Variants in INPP4B observed in about 807,000 individuals in gnomAD.
INPP4B encodes inositol polyphosphate 4-phosphatase type II.
Under a neutral mutation model 122.5 loss-of-function variants are expected in INPP4B, and 55 were observed. The ratio of observed to expected loss-of-function variants is 0.45; its 90% confidence interval spans 0.36 to 0.56. The LOEUF is 0.56. Among genes scored for constraint, INPP4B ranks in the 20% least tolerant of loss-of-function variants. The pLI, the probability that INPP4B is intolerant of heterozygous loss-of-function variation, is 0.00. For synonymous variants in INPP4B, 403 were observed against 388.7 expected (o/e 1.04, Z -0.43); for missense variants, 1,000 against 1,097.7 (o/e 0.91, Z 1.26).
chr4:142,107,342 A>G (rs1787686867), intron 23 of INPP4B, among the ~76,000 whole-genome samples: 1 of 152,182 alleles, frequency 6.6e-6, no homozygotes, highest in Non-Finnish European at 1.5e-5. Flanking sequence ...CTTTGATTAC[A>G]GTTTTTGGTT....
chr4:142,321,199 T>G (rs1320155054), intron 7 of INPP4B, among the ~76,000 whole-genome samples: 29 of 152,220 alleles, frequency 1.9e-4, no homozygotes, highest in Admixed American at 1.9e-3. Flanking sequence ...TAGTTTTGAT[T>G]TGCATTTTCC....
chr4:142,484,105 T>C (rs1820921524), intron 2 of INPP4B, among the ~76,000 whole-genome samples: 2 of 152,102 alleles, frequency 1.3e-5, no homozygotes, highest in Admixed American at 6.6e-5. Flanking sequence ...AAATGAAGTG[T>C]GAGAGCTATC....
At chr4:142,748,722 T>C (rs1041997622) in intron 1 of INPP4B, among the ~76,000 whole-genome samples, 1 of 150,514 alleles carries the variant, frequency 6.6e-6, no homozygotes, top group African/African-American at 2.4e-5. Context: ...AGAACTTTAA[T>C]AGTAATGGGA....
chr4:142,592,178 T>C (rs1218352972), intron 2 of INPP4B, among the ~76,000 whole-genome samples: 1 of 152,188 alleles, frequency 6.6e-6, no homozygotes. Flanking sequence ...ATTTTAAAGT[T>C]GAGTTGCAGC....
intron 1 of INPP4B, among the ~76,000 whole-genome samples, chr4:142,742,222 A>C (rs1228104255): frequency 6.6e-6 from 1 of 151,960 alleles, no homozygotes; most frequent in Middle Eastern, 3.2e-3. Context: ...CCCACAGCCA[A>C]AGCATGACTT....
Position 142,238,014 on chromosome 4 carries a change from G to GT in INPP4B, c.689-4_689-3insA. The GT allele has an allele frequency of 7.0e-7, 1 of 1,436,780 alleles. No homozygotes were observed. Among genetic ancestry groups the GT allele is most frequent in the Non-Finnish European group, 9.5e-7 (1 of 1,048,238 alleles). 89.0% of individuals were successfully genotyped at this position (1,436,780 alleles called of 1,614,324 possible). On this transcript the variant is annotated splice_region_variant and splice_polypyrimidine_tract_variant and intron_variant, in intron 11 of 25. Transcript: ENST00000262992. The stretch of plus-strand genomic sequence containing the variant: ...TTTACATACTGGGTTCTTTAACACT[G>GT]GAAAAAAAAAGAAAAAATAATAGTT...
At chr4:142,232,527 T>C (rs1854847086) in intron 12 of INPP4B, among the ~76,000 whole-genome samples, 1 of 152,030 alleles carries the variant, frequency 6.6e-6, no homozygotes, top group African/African-American at 2.4e-5. Flanking sequence ...GTGTTCAGAC[T>C]GTTCCAACTG....
At chr4:142,618,364 T>C (rs1744146564) in intron 2 of INPP4B, among the ~76,000 whole-genome samples, 3 of 152,106 alleles carry the variant, frequency 2.0e-5, no homozygotes, top group Admixed American at 1.3e-4. Context: ...AACAGTATGC[T>C]GCTGGCATAA....
chr4:142,616,845 C>G (rs1743811062), intron 2 of INPP4B, among the ~76,000 whole-genome samples: 1 of 151,982 alleles, frequency 6.6e-6, no homozygotes, highest in Non-Finnish European at 1.5e-5. Flanking sequence ...AACAGAGAGC[C>G]AAAAACCACA....
intron 1 of INPP4B, among the ~76,000 whole-genome samples, chr4:142,796,020 C>T (rs1777192892): frequency 6.6e-6 from 1 of 151,898 alleles, no homozygotes; most frequent in Non-Finnish European, 1.5e-5. Flanking sequence ...ACGTTCATTG[C>T]ATTTTACATC....
chr4:142,054,222 T>C (rs1392237350), intron 25 of INPP4B, among the ~76,000 whole-genome samples: 3 of 151,630 alleles, frequency 2.0e-5, no homozygotes, highest in Admixed American at 6.6e-5. Context: ...TGCCCCACGC[T>C]CAATGCAACA....
chr4:142,278,746 A>C (rs755802488), intron 9 of INPP4B, among the ~76,000 whole-genome samples: 28 of 152,066 alleles, frequency 1.8e-4, no homozygotes, highest in Admixed American at 2.6e-4. Context: ...GAGATTGTGG[A>C]GAGGGGGAAG....
At chr4:142,607,268 CAGATA>C in intron 2 of INPP4B, among the ~76,000 whole-genome samples, 1 of 151,964 alleles carries the variant, frequency 6.6e-6, no homozygotes, top group Non-Finnish European at 1.5e-5. Context: ...ATATGGAAAG[CAGATA>C]AGATTTTATT....
chr4:142,798,887 T>C (rs1777634411), intron 1 of INPP4B, among the ~76,000 whole-genome samples: 1 of 151,248 alleles, frequency 6.6e-6, no homozygotes. Context: ...ATACTAAAGT[T>C]ATAGCCTTAA....
rs138040825 is a variant in INPP4B at position 142,334,217 on chromosome 4, CCA to C, written c.373-19457_373-19456del. Among the ~76,000 whole-genome samples, 921 of 152,260 alleles carry C rather than the reference CCA, an allele frequency of 6.0e-3. 14 individuals carry two copies. The highest frequency in any genetic ancestry group is 0.02 in the African/African-American group (833 of 41,538). ...TTTTCTTTGCCTGAATAATATTTCACCATATATATGTATACACGCACATATAC... is the reference window on the plus strand; with the variant it reads ...TTTTCTTTGCCTGAATAATATTTCACTATATATGTATACACGCACATATAC... On this transcript the variant is annotated intron_variant, in intron 7 of 25. Transcript: ENST00000262992.
rs184255339 is a variant in INPP4B at position 142,710,216 on chromosome 4, C to T, written c.-191+15623G>A. ...GATAAATTTATGAGCACAGCCAATG[C>T]CTTTAACTGTATACTGAGTCTTAAT... On this transcript the variant is annotated intron_variant, in intron 2 of 25. Transcript: ENST00000262992. 2.0e-5 allele frequency among the ~76,000 whole-genome samples: 3 copies of T among 152,262 alleles called. No homozygotes were observed. In the East Asian group the frequency reaches 5.8e-4, roughly 29 times the overall value.
intron 1 of INPP4B, among the ~76,000 whole-genome samples, chr4:142,739,878 A>T (rs905500222): frequency 8.5e-5 from 13 of 152,162 alleles, no homozygotes; most frequent in Non-Finnish European, 1.3e-4. Context: ...TTTCTTTCAC[A>T]TATATATTAT....
chr4:142,203,301 C>A (rs2149468659), intron 14 of INPP4B, among the ~76,000 whole-genome samples: 1 of 152,116 alleles, frequency 6.6e-6, no homozygotes, highest in Non-Finnish European at 1.5e-5. Flanking sequence ...TACAACAGAT[C>A]CATAAACTAT....
intron 25 of INPP4B, among the ~76,000 whole-genome samples, chr4:142,077,554 T>C (rs1439175610): frequency 6.6e-6 from 1 of 151,970 alleles, no homozygotes; most frequent in African/African-American, 2.4e-5. Flanking sequence ...TAATCAAATA[T>C]AAGTTTGATT....
Sources: allele counts gnomAD v4.1 joint callset (sites outside exome capture counted in the v4.1 genomes callset), GRCh38; gene constraint gnomAD v4.1.1; transcripts MANE v1.5; gene names NCBI Gene and HGNC (gene_info 2026-07-23, HGNC 2026-07-21).